The following DOCK1 variants were observed in gnomAD, a reference collection of about 807,000 sequenced individuals.
The protein encoded by DOCK1 is dedicator of cytokinesis protein 1.
Under a neutral mutation model 262.7 loss-of-function variants are expected in DOCK1, and 138 were observed. That is an observed-to-expected ratio of 0.53 (90% CI 0.46 to 0.61). DOCK1 has a LOEUF of 0.61. Among genes scored for constraint, DOCK1 ranks in the 20% least tolerant of loss-of-function variants. The pLI is 0.00. For missense variants in DOCK1, 1,908 were observed against 2,370.7 expected (o/e 0.80, Z 4.05); for synonymous variants, 866 against 867.4 (o/e 1.00, Z 0.03).
intron 29 of DOCK1, among the ~76,000 whole-genome samples, chr10:127,293,340 C>T (rs188776052): frequency 9.2e-5 from 14 of 152,246 alleles, no homozygotes; most frequent in East Asian, 1.9e-4. Flanking sequence ...AAAAACTGCC[C>T]GACCATGGAG....
chr10:126,938,960 C>T (rs1272750473), intron 1 of DOCK1, among the ~76,000 whole-genome samples: 17 of 81,472 alleles, frequency 2.1e-4, no homozygotes, highest in Admixed American at 4.0e-4. Context: ...GGGCGAACAC[C>T]TGGGGGGACA....
chr10:127,371,434 C>T (rs1293022065), intron 33 of DOCK1, among the ~76,000 whole-genome samples: 1 of 152,202 alleles, frequency 6.6e-6, no homozygotes, highest in East Asian at 1.9e-4. Context: ...GTAGCTGTAG[C>T]TTCCTCATTG....
chr10:127,355,624 A>G (rs1453713231), intron 32 of DOCK1, among the ~76,000 whole-genome samples: 1 of 151,170 alleles, frequency 6.6e-6, no homozygotes, highest in African/African-American at 2.4e-5. Flanking sequence ...GAAACCCTCC[A>G]CTCTCCCCTC....
intron 27 of DOCK1, among the ~76,000 whole-genome samples, chr10:127,229,262 A>G (rs2058752333): frequency 6.6e-6 from 1 of 152,064 alleles, no homozygotes; most frequent in Non-Finnish European, 1.5e-5. Context: ...AAACCTCACA[A>G]AACTACTGTC....
At chr10:126,924,062 T>C (rs1591329391) in intron 1 of DOCK1, among the ~76,000 whole-genome samples, 1 of 150,944 alleles carries the variant, frequency 6.6e-6, no homozygotes, top group Admixed American at 6.6e-5. Context: ...ATACCATGTG[T>C]AGAGAGAAAC....
intron 33 of DOCK1, among the ~76,000 whole-genome samples, chr10:127,372,146 A>C (rs74158674): frequency 1.8e-4 from 28 of 152,348 alleles, no homozygotes; most frequent in African/African-American, 6.7e-4. Flanking sequence ...CCTTGATGTC[A>C]GGCAAGAATC....
rs867511436 is a variant in DOCK1 at position 127,439,188 on chromosome 10, C to A, written c.5222C>A (p.Ser1741Tyr). 1 of 1,611,800 alleles carries A rather than the reference C, an allele frequency of 6.2e-7. No individual in the cohort carries two copies. The highest frequency in any genetic ancestry group is 1.7e-5 in the Admixed American group (1 of 59,790). ...AAAGAATTTAAACCCACCGACATTT[C>A]CCTGCAGCAGTCTGAGGCTGTGATC... ...FEKEFKPTDISLQQSEAVILS... is the reference protein window; with the variant it reads ...FEKEFKPTDIYLQQSEAVILS... Residue 1741 changes from serine (S) to tyrosine (Y), a missense_variant, in exon 49 of 52, where the codon TCC becomes TAC. Coordinates refer to ENST00000623213, the MANE Select transcript of DOCK1 (RefSeq NM_001290223.2).
chr10:127,299,920 A>G (rs963459890), intron 29 of DOCK1, among the ~76,000 whole-genome samples: 3 of 152,184 alleles, frequency 2.0e-5, no homozygotes, highest in East Asian at 1.9e-4. Flanking sequence ...TTTGAAAAAA[A>G]GAAAAGTATT....
chr10:127,414,688 C>T (rs1001200079), intron 43 of DOCK1, among the ~76,000 whole-genome samples: 1 of 151,982 alleles, frequency 6.6e-6, no homozygotes, highest in Non-Finnish European at 1.5e-5. Context: ...GTTTAAAATA[C>T]CGACTGGTTT....
At chr10:126,962,956 T>C (rs2037343107) in intron 1 of DOCK1, among the ~76,000 whole-genome samples, 3 of 152,190 alleles carry the variant, frequency 2.0e-5, no homozygotes, top group Admixed American at 1.3e-4. Flanking sequence ...ATATCCAGTT[T>C]TCCCAGCACC....
At chr10:127,042,781 C>A in intron 20 of DOCK1, 67 bp downstream of exon 20, 1 of 1,539,560 alleles carries the variant, frequency 6.5e-7, no homozygotes, top group South Asian at 1.1e-5. Flanking sequence ...GCGTCTGAGG[C>A]TGGAGTCGGG....
At chr10:127,441,359 C>T (rs889248385) in intron 49 of DOCK1, among the ~76,000 whole-genome samples, 2 of 152,220 alleles carry the variant, frequency 1.3e-5, no homozygotes, top group African/African-American at 4.8e-5. Flanking sequence ...CAGGAACTCA[C>T]CAAGGTCAGA....
chr10:127,026,679 C>T (rs547819787), intron 16 of DOCK1, among the ~76,000 whole-genome samples: 5 of 152,310 alleles, frequency 3.3e-5, no homozygotes, highest in South Asian at 4.1e-4. Context: ...TCCAGTCTTC[C>T]GTGTTGACTT....
rs530117931 is a variant in DOCK1 at position 127,452,270 on chromosome 10, A to G, written c.*843A>G. ...TAGGCGTCCACCAATGATTATCCATATGTGTTCTTAATTTTTAACTGCTGG... is the reference window on the plus strand; with the variant it reads ...TAGGCGTCCACCAATGATTATCCATGTGTGTTCTTAATTTTTAACTGCTGG... On this transcript the variant is annotated 3_prime_UTR_variant, in exon 52 of 52. Transcript: ENST00000623213. The G allele has an allele frequency of 6.6e-6, 1 of 152,112 alleles. No homozygotes were observed. The highest frequency in any genetic ancestry group is 2.4e-5 in the African/African-American group (1 of 41,402). 9.4% of individuals were successfully genotyped at this position (152,112 alleles called of 1,614,324 possible).
chr10:127,372,292 T>C (rs1322219962), intron 33 of DOCK1, among the ~76,000 whole-genome samples: 3 of 152,140 alleles, frequency 2.0e-5, no homozygotes, highest in Non-Finnish European at 2.9e-5. Context: ...TCCTTGCTAA[T>C]TGCTTCTCAG....
At chr10:127,092,559 C>CA (rs1564796967) in intron 23 of DOCK1, among the ~76,000 whole-genome samples, 1 of 149,742 alleles carries the variant, frequency 6.7e-6, no homozygotes, top group Admixed American at 6.7e-5. Context: ...TCTAGGCATT[C>CA]TTTTTTTTTT....
chr10:126,937,524 T>G (rs1445309523), intron 1 of DOCK1, among the ~76,000 whole-genome samples: 1 of 151,710 alleles, frequency 6.6e-6, no homozygotes, highest in Non-Finnish European at 1.5e-5. Flanking sequence ...TTTTTTTTTT[T>G]GTCTTCTTTT....
intron 38 of DOCK1, among the ~76,000 whole-genome samples, chr10:127,398,007 C>T (rs1310341173): frequency 6.6e-6 from 1 of 152,160 alleles, no homozygotes; most frequent in Non-Finnish European, 1.5e-5. Context: ...CAGAGGTTCC[C>T]GTGTGATGGG....
At chr10:127,102,839 C>CA (rs960801669) in intron 23 of DOCK1, among the ~76,000 whole-genome samples, 187 of 149,732 alleles carry the variant, frequency 1.2e-3, no homozygotes, top group African/African-American at 4.4e-3. Context: ...AACTCAGTCT[C>CA]AAAAAAAAAG....
Sources: gnomAD v4.1 joint callset for allele counts (sites outside exome capture counted in the v4.1 genomes callset) on GRCh38, gnomAD v4.1.1 for gene constraint, MANE v1.5 for transcripts, NCBI Gene and HGNC (gene_info 2026-07-23, HGNC 2026-07-21) for gene names.